IQSEC1: variants seen among roughly 807,000 people sequenced by gnomAD.
IQSEC1 encodes the protein IQ motif and SEC7 domain-containing protein 1.
A neutral mutation model predicts 91.0 loss-of-function variants in IQSEC1; 31 were observed. That is an observed-to-expected ratio of 0.34 (90% CI 0.26 to 0.46). IQSEC1 has a LOEUF of 0.46. IQSEC1 is among the 20% of genes least tolerant of loss of function. The pLI is 1.00. For missense variants in IQSEC1, 1,388 were observed against 1,575.6 expected (o/e 0.88, Z 2.02); for synonymous variants, 699 against 662.6 (o/e 1.05, Z -0.84).
chr3:12,913,290 A>G, intron 9 of IQSEC1, 138 bp downstream of exon 9: 1 of 828,214 alleles, frequency 1.2e-6, no homozygotes, highest in South Asian at 1.6e-5. Context: ...CATGTGCATC[A>G]GTGTGAAAGA....
chr3:13,274,221 G>A (rs779094784), intron 1 of IQSEC1, among the ~76,000 whole-genome samples: 29 of 152,192 alleles, frequency 1.9e-4, no homozygotes, highest in Non-Finnish European at 3.2e-4. Context: ...CCCAGAGGCT[G>A]TCCCCCAACA....
chr3:12,911,930 C>T (rs1695597714), intron 9 of IQSEC1, among the ~76,000 whole-genome samples: 1 of 152,242 alleles, frequency 6.6e-6, no homozygotes, highest in East Asian at 1.9e-4. Flanking sequence ...TGGCTGGCAA[C>T]AAAGCCCCAC....
chr3:12,947,006 C>A (rs971173351), intron 1 of IQSEC1, among the ~76,000 whole-genome samples: 3 of 152,220 alleles, frequency 2.0e-5, no homozygotes, highest in African/African-American at 7.2e-5. Flanking sequence ...TACAACTGAT[C>A]CCAGCTAGCA....
At chr3:12,966,925 G>A (rs1010368813) in intron 1 of IQSEC1, among the ~76,000 whole-genome samples, 2 of 152,144 alleles carry the variant, frequency 1.3e-5, no homozygotes, top group Admixed American at 6.5e-5. Flanking sequence ...CTTCCTGGCA[G>A]CTCCGGCCCT....
In IQSEC1 at chr3:12,920,434, G is replaced by C. The variant is rs138094899; in HGVS notation, c.2016C>G (p.Leu672=). 11 of 1,613,960 alleles carry C rather than the reference G, an allele frequency of 6.8e-6. No individual in the cohort carries two copies. Among genetic ancestry groups the C allele is most frequent in the Non-Finnish European group, 9.3e-6 (11 of 1,179,830 alleles). ...KMKLEDFIKN[L]RGVDDGEDIP... ...CGACCGCCTGAGACAGCTCACCTCG[G>C]AGGTTCTTGATGAAGTCCTCTAGCT... is the stretch of plus-strand genomic sequence containing the variant. The change falls in exon 6 of 14, where the codon CTC becomes CTG. Residue 672 remains leucine, a synonymous_variant. Coordinates refer to ENST00000613206, the MANE Select transcript of IQSEC1 (RefSeq NM_001134382.3).
At chr3:13,181,388 A>C (rs912584134) in intron 1 of IQSEC1, among the ~76,000 whole-genome samples, 1 of 152,264 alleles carries the variant, frequency 6.6e-6, no homozygotes, top group African/African-American at 2.4e-5. Context: ...AATTGATGGA[A>C]TAGAGAGAAA....
intron 1 of IQSEC1, among the ~76,000 whole-genome samples, chr3:13,234,394 C>T (rs1694889711): frequency 6.6e-6 from 1 of 152,112 alleles, no homozygotes; most frequent in African/African-American, 2.4e-5. Flanking sequence ...TGGGCAGCTG[C>T]TCCACAGGAA....
At chr3:13,037,851 G>C (rs930721962) in intron 1 of IQSEC1, among the ~76,000 whole-genome samples, 1 of 152,118 alleles carries the variant, frequency 6.6e-6, no homozygotes, top group Non-Finnish European at 1.5e-5. Context: ...GTGGCTGCTG[G>C]GGGTGAAGGG....
chr3:12,981,023 A>C (rs2125585901), intron 1 of IQSEC1, among the ~76,000 whole-genome samples: 1 of 152,334 alleles, frequency 6.6e-6, no homozygotes, highest in African/African-American at 2.4e-5. Flanking sequence ...AGTTTCTGTC[A>C]ACTGCAACCC....
chr3:13,104,028 C>A (rs1706106368), intron 2 of IQSEC1, among the ~76,000 whole-genome samples: 1 of 152,144 alleles, frequency 6.6e-6, no homozygotes, highest in South Asian at 2.1e-4. Context: ...CAAGGTCACA[C>A]AACTAGTTAG....
rs1483407121 is a variant in IQSEC1, at chr3:12,900,457, A to C, written c.*526T>G. 3 of 721,952 alleles carry C rather than the reference A, an allele frequency of 4.2e-6. No individual in the cohort carries two copies. In the Admixed American group the frequency reaches 1.9e-4, roughly 47 times the overall value. The allele number at this position is 721,952 out of a possible 1,614,324, so 44.7% of individuals were successfully genotyped here. A position where few individuals can be genotyped will look rare whatever the true frequency, so the allele number is the denominator to read the frequency against. Reference sequence around the variant, plus strand: ...CACAAGTACTACCTATACAGTATATATATATATATATTTATATATTTATAT... The same window carrying C: ...CACAAGTACTACCTATACAGTATATCTATATATATATTTATATATTTATAT... On this transcript the variant is annotated 3_prime_UTR_variant, in exon 14 of 14. Coordinates refer to ENST00000613206, the MANE Select transcript of IQSEC1 (RefSeq NM_001134382.3).
intron 1 of IQSEC1, among the ~76,000 whole-genome samples, chr3:13,201,604 A>G (rs1342169070): frequency 6.6e-6 from 1 of 152,202 alleles, no homozygotes; most frequent in African/African-American, 2.4e-5. Context: ...TCGGCCACCC[A>G]AAGTGCTGGG....
chr3:13,092,720 ATGG>A (rs1705884806), intron 2 of IQSEC1, among the ~76,000 whole-genome samples: 1 of 152,162 alleles, frequency 6.6e-6, no homozygotes, highest in Admixed American at 6.5e-5. Context: ...AACCCCTCTG[ATGG>A]TGGCCTCTTC....
chr3:13,105,407 C>T (rs1706137668), intron 2 of IQSEC1, among the ~76,000 whole-genome samples: 1 of 152,188 alleles, frequency 6.6e-6, no homozygotes, highest in South Asian at 2.1e-4. Flanking sequence ...CAGACAGATG[C>T]CGCTCAGGGA....
chr3:13,183,212 T>A (rs535293010), intron 1 of IQSEC1, among the ~76,000 whole-genome samples: 63 of 147,158 alleles, frequency 4.3e-4, no homozygotes, highest in South Asian at 6.5e-4. Context: ...CAAACAAACA[T>A]AAATAAATAA....
chr3:13,180,751 G>A (rs137984950), intron 1 of IQSEC1, among the ~76,000 whole-genome samples: 1,559 of 148,374 alleles, frequency 0.011, 20 homozygotes, highest in Non-Finnish European at 8.7e-3. Context: ...AACTCCAGAC[G>A]TGCCGCCTTA....
At chr3:13,242,931 C>T (rs1559284793) in intron 1 of IQSEC1, among the ~76,000 whole-genome samples, 1 of 151,970 alleles carries the variant, frequency 6.6e-6, no homozygotes, top group Admixed American at 6.6e-5. Context: ...CTTGTCTTTC[C>T]ACACATGTGG....
intron 1 of IQSEC1, among the ~76,000 whole-genome samples, chr3:12,995,432 T>C (rs360836): frequency 0.2 from 30,903 of 152,198 alleles, 3,819 homozygotes; most frequent in African/African-American, 0.35. Context: ...AAGTGAGATG[T>C]AGACACTGTT....
chr3:13,040,100 T>C (rs1704197036), intron 1 of IQSEC1, among the ~76,000 whole-genome samples: 1 of 152,224 alleles, frequency 6.6e-6, no homozygotes, highest in Non-Finnish European at 1.5e-5. Flanking sequence ...GCTCTTCCCC[T>C]GACACACACC....
Sources: gnomAD v4.1 joint callset for allele counts (sites outside exome capture counted in the v4.1 genomes callset) on GRCh38, gnomAD v4.1.1 for gene constraint, MANE v1.5 for transcripts, NCBI Gene and HGNC (gene_info 2026-07-23, HGNC 2026-07-21) for gene names.